The following FAR2 variants were observed in gnomAD, a reference collection of about 807,000 sequenced individuals.
FAR2 encodes fatty acyl-CoA reductase 2.
A neutral mutation model predicts 56.0 loss-of-function variants in FAR2; 19 were observed. The ratio of observed to expected loss-of-function variants is 0.34; its 90% CI spans 0.24 to 0.50. FAR2 has a LOEUF of 0.50. Ranked by LOEUF, FAR2 falls within the 20% of genes least tolerant of loss-of-function variation. The probability of loss-of-function intolerance (pLI) is 0.98; values close to 1 mark genes in which losing one functional copy is unlikely to be tolerated. For synonymous variants in FAR2, 219 were observed against 218.8 expected (o/e 1.00, Z -0.01); for missense variants, 508 against 642.2 (o/e 0.79, Z 2.26).
chr12:29,212,442 T>G (rs1005831376), intron 1 of FAR2, among the ~76,000 whole-genome samples: 1 of 152,216 alleles, frequency 6.6e-6, no homozygotes, highest in Non-Finnish European at 1.5e-5. Flanking sequence ...CTGTCCTGTT[T>G]TAAATCTTCT....
At chr12:29,247,883 G>A (rs377709632) in intron 1 of FAR2, among the ~76,000 whole-genome samples, 35 of 152,266 alleles carry the variant, frequency 2.3e-4, no homozygotes, top group Admixed American at 1.6e-3. Flanking sequence ...ATCTGTGCAT[G>A]CATTTACACT....
chr12:29,248,828 C>T (rs954256517), intron 1 of FAR2, among the ~76,000 whole-genome samples: 1 of 152,204 alleles, frequency 6.6e-6, no homozygotes, highest in Non-Finnish European at 1.5e-5. Context: ...AGGGATGTTC[C>T]TTGCTGAGAA....
At chr12:29,225,994 G>A (rs753527883) in intron 1 of FAR2, among the ~76,000 whole-genome samples, 1 of 152,194 alleles carries the variant, frequency 6.6e-6, no homozygotes, top group African/African-American at 2.4e-5. Context: ...GACAGTTCTT[G>A]CTCTTTCTCC....
At chr12:29,160,193 T>G (rs1010925776) in intron 1 of FAR2, among the ~76,000 whole-genome samples, 1 of 152,230 alleles carries the variant, frequency 6.6e-6, no homozygotes, top group Non-Finnish European at 1.5e-5. Context: ...TTGGCCACTG[T>G]CAGTTCAGGA....
intron 4 of FAR2, among the ~76,000 whole-genome samples, chr12:29,303,903 T>C (rs1296542355): frequency 6.6e-6 from 1 of 152,202 alleles, no homozygotes; most frequent in African/African-American, 2.4e-5. Flanking sequence ...AATTTTCAAA[T>C]GGCAGGCCAT....
chr12:29,260,025 A>G (rs1267509498), intron 1 of FAR2, among the ~76,000 whole-genome samples: 1 of 152,206 alleles, frequency 6.6e-6, no homozygotes, highest in East Asian at 1.9e-4. Flanking sequence ...GGGACCTTCT[A>G]GAGTTGCATA....
chr12:29,219,279 A>G (rs1462659106), intron 1 of FAR2, among the ~76,000 whole-genome samples: 1 of 152,202 alleles, frequency 6.6e-6, no homozygotes, highest in Non-Finnish European at 1.5e-5. Flanking sequence ...GGCCCATAGT[A>G]AACACTAAAG....
At chr12:29,232,756 T>A (rs1166235789) in intron 1 of FAR2, among the ~76,000 whole-genome samples, 2 of 151,632 alleles carry the variant, frequency 1.3e-5, no homozygotes, top group African/African-American at 4.8e-5. Flanking sequence ...TCCTCTTCAT[T>A]GCAAATCCTG....
chr12:29,157,494 T>C (rs1472289291), intron 1 of FAR2, among the ~76,000 whole-genome samples: 35 of 152,216 alleles, frequency 2.3e-4, no homozygotes, highest in Admixed American at 2.2e-3. Flanking sequence ...TGTGAATTTG[T>C]GTAGAAAAGA....
chr12:29,285,153 A>G (rs1948853294), intron 2 of FAR2, among the ~76,000 whole-genome samples: 1 of 152,012 alleles, frequency 6.6e-6, no homozygotes, highest in Admixed American at 6.6e-5. Context: ...ATTACTGCTA[A>G]GTTTCTTGTT....
intron 8 of FAR2, among the ~76,000 whole-genome samples, chr12:29,312,505 C>T (rs1313476997): frequency 6.6e-6 from 1 of 152,060 alleles, no homozygotes; most frequent in Non-Finnish European, 1.5e-5. Flanking sequence ...AAAACAACAC[C>T]CAGATTCCTT....
intron 2 of FAR2, among the ~76,000 whole-genome samples, chr12:29,276,018 G>T (rs74383730): frequency 0.011 from 1,645 of 152,262 alleles, 27 homozygotes; most frequent in African/African-American, 0.038. Flanking sequence ...TGATCAGATG[G>T]TACTTAACAG....
intron 4 of FAR2, among the ~76,000 whole-genome samples, chr12:29,302,476 C>G (rs949000805): frequency 5.9e-5 from 9 of 152,010 alleles, no homozygotes; most frequent in Non-Finnish European, 8.8e-5. Context: ...GCTGGGAAAC[C>G]CAGGCGTGTT....
intron 1 of FAR2, among the ~76,000 whole-genome samples, chr12:29,266,941 A>T (rs1363416834): frequency 6.6e-6 from 1 of 152,192 alleles, no homozygotes; most frequent in Non-Finnish European, 1.5e-5. Context: ...ACTAGAGTGT[A>T]TGATAAGAGA....
intron 1 of FAR2, among the ~76,000 whole-genome samples, chr12:29,191,905 T>C (rs1439845349): frequency 6.6e-6 from 1 of 152,212 alleles, no homozygotes; most frequent in Non-Finnish European, 1.5e-5. Context: ...CAAAATTGTC[T>C]TGTAACAATG....
chr12:29,204,084 C>T (rs1293100106), intron 1 of FAR2, among the ~76,000 whole-genome samples: 2 of 150,806 alleles, frequency 1.3e-5, no homozygotes, highest in African/African-American at 4.9e-5. Context: ...TAAAACCCAG[C>T]ATGATTTTGT....
chr12:29,316,939 T>C lies in FAR2; in HGVS notation c.1054T>C (p.Trp352Arg), dbSNP rs773247313. ...CAGCAACAGCTTCACATCACAGTAC[T>C]GGAATGCGGTCAGCCACCGGGCCCC... The part of the protein sequence containing the change: ...FTSNSFTSQY[W>R]NAVSHRAPAI... Residue 352 changes from tryptophan to arginine, a missense_variant, in exon 9 of 12, where the codon TGG becomes CGG. Coordinates refer to ENST00000536681, the MANE Select transcript of FAR2 (RefSeq NM_001271783.2). The C allele has an allele frequency of 6.2e-7, 1 of 1,614,086 alleles. No homozygotes were observed. The highest frequency in any genetic ancestry group is 1.1e-5 in the South Asian group (1 of 91,070).
At chr12:29,274,592 T>C (rs535013059) in intron 2 of FAR2, among the ~76,000 whole-genome samples, 7 of 152,208 alleles carry the variant, frequency 4.6e-5, no homozygotes, top group Non-Finnish European at 1.0e-4. Flanking sequence ...TCATATCCCC[T>C]GTGACCTGCA....
chr12:29,309,637 T>C (rs983906032), intron 6 of FAR2: 2 of 156,704 alleles, frequency 1.3e-5, no homozygotes, highest in Admixed American at 1.3e-4. Flanking sequence ...TGTAAGAGTT[T>C]ATGTGCGTGT....
Sources: gnomAD v4.1 joint callset for allele counts (sites outside exome capture counted in the v4.1 genomes callset) on GRCh38, gnomAD v4.1.1 for gene constraint, MANE v1.5 for transcripts, NCBI Gene and HGNC (gene_info 2026-07-23, HGNC 2026-07-21) for gene names.